CLSTN1: variants seen among roughly 807,000 people sequenced by gnomAD.
CLSTN1 encodes calsyntenin 1.
In CLSTN1, 28 loss-of-function variants were observed where a neutral mutation model predicts 108.3. The ratio of observed to expected loss-of-function variants is 0.26; its 90% CI spans 0.19 to 0.35. CLSTN1 has a LOEUF of 0.35. CLSTN1 is among the 10% of genes least tolerant of loss of function. The probability of loss-of-function intolerance (pLI) is 1.00; values close to 1 mark genes in which losing one functional copy is unlikely to be tolerated. For missense variants in CLSTN1, 1,157 were observed against 1,302.6 expected (o/e 0.89, Z 1.72); for synonymous variants, 524 against 534.9 (o/e 0.98, Z 0.28).
intron 2 of CLSTN1, among the ~76,000 whole-genome samples, chr1:9,768,385 G>C (rs1652463907): frequency 7.1e-6 from 1 of 141,782 alleles, no homozygotes; most frequent in Admixed American, 6.9e-5. Context: ...CGGCACCATG[G>C]GGGCGGGATT....
At chr1:9,747,080 C>T (rs1389568596) in intron 7 of CLSTN1, among the ~76,000 whole-genome samples, 1 of 148,072 alleles carries the variant, frequency 6.8e-6, no homozygotes, top group African/African-American at 2.5e-5. Flanking sequence ...CTTGGGAGGC[C>T]GAGGCAGGAG....
chr1:9,758,511 A>G (rs1384677377), intron 2 of CLSTN1, among the ~76,000 whole-genome samples: 2 of 140,910 alleles, frequency 1.4e-5, no homozygotes, highest in African/African-American at 5.3e-5. Flanking sequence ...ATGGGATTTC[A>G]CCATATTGGC....
At chr1:9,798,151 A>AGGGAGGGGGAGGGGAAGAGGGAGG in intron 1 of CLSTN1, among the ~76,000 whole-genome samples, 1 of 81,216 alleles carries the variant, frequency 1.2e-5, no homozygotes, top group East Asian at 4.3e-4. Flanking sequence ...AGAGGGGAAG[A>AGGGAGGGGGAGGGGAAGAGGGAGG]GGGAGGGGGA....
At chr1:9,789,721 G>A (rs1312161331) in intron 1 of CLSTN1, among the ~76,000 whole-genome samples, 1 of 151,658 alleles carries the variant, frequency 6.6e-6, no homozygotes, top group Non-Finnish European at 1.5e-5. Flanking sequence ...GCTTATGCCT[G>A]TAATCCCAGC....
chr1:9,735,216 G>A (rs369413478), intron 13 of CLSTN1, 42 bp from the exon 14 acceptor site: 6 of 1,596,806 alleles, frequency 3.8e-6, no homozygotes, highest in East Asian at 2.2e-5. Flanking sequence ...TTTGGGAGCC[G>A]ATCTTGGAGC....
chr1:9,743,219 G>A (rs185884144), intron 9 of CLSTN1, among the ~76,000 whole-genome samples: 202 of 152,298 alleles, frequency 1.3e-3, no homozygotes, highest in African/African-American at 4.5e-3. Context: ...CTCGTTTCCT[G>A]TAGCACGTGG....
chr1:9,731,698 TGGGGTGGGGGCAGGGC>T, intron 17 of CLSTN1, 47 bp downstream of exon 17: 1 of 1,518,270 alleles, frequency 6.6e-7, no homozygotes, highest in Non-Finnish European at 9.1e-7. Flanking sequence ...GTGCCCACGG[TGGGGTGGGGGCAGGGC>T]GGACGGCATG....
chr1:9,762,337 T>C (rs1652113504), intron 2 of CLSTN1, among the ~76,000 whole-genome samples: 1 of 152,020 alleles, frequency 6.6e-6, no homozygotes, highest in South Asian at 2.1e-4. Flanking sequence ...GGCAGGCACC[T>C]GTAATTCCAG....
At chr1:9,822,021 G>A (rs552543991) in intron 1 of CLSTN1, among the ~76,000 whole-genome samples, 18 of 152,292 alleles carry the variant, frequency 1.2e-4, no homozygotes, top group Admixed American at 1.1e-3. Context: ...ACAAATGTAG[G>A]TGCTATTTAA....
At chr1:9,815,288 G>GTA (rs1654926489) in intron 1 of CLSTN1, among the ~76,000 whole-genome samples, 1 of 152,192 alleles carries the variant, frequency 6.6e-6, no homozygotes, top group Non-Finnish European at 1.5e-5. Flanking sequence ...CCCCACAGCA[G>GTA]CAGAGTTCAA....
chr1:9,761,454 C>A (rs1421663243), intron 2 of CLSTN1, among the ~76,000 whole-genome samples: 1 of 152,156 alleles, frequency 6.6e-6, no homozygotes, highest in African/African-American at 2.4e-5. Context: ...TATCATGCCA[C>A]TGCACTCCAG....
chr1:9,803,020 C>T (rs1420543101), intron 1 of CLSTN1, among the ~76,000 whole-genome samples: 1 of 152,066 alleles, frequency 6.6e-6, no homozygotes, highest in South Asian at 2.1e-4. Context: ...GACAAGGTTT[C>T]GCTATGTTGT....
chr1:9,777,986 G>A (rs1163813223), intron 1 of CLSTN1, among the ~76,000 whole-genome samples: 1 of 152,034 alleles, frequency 6.6e-6, no homozygotes, highest in Non-Finnish European at 1.5e-5. Flanking sequence ...AAGACGGCAG[G>A]GGAGGGCACT....
intron 2 of CLSTN1, among the ~76,000 whole-genome samples, chr1:9,757,311 G>C (rs1286899731): frequency 1.3e-5 from 2 of 148,580 alleles, no homozygotes; most frequent in Non-Finnish European, 3.0e-5. Flanking sequence ...GCGTGATCTC[G>C]GCTCACTGCA....
chr1:9,803,879 G>A (rs996328521), intron 1 of CLSTN1, among the ~76,000 whole-genome samples: 1 of 152,044 alleles, frequency 6.6e-6, no homozygotes, highest in African/African-American at 2.4e-5. Flanking sequence ...TCTCAAAAAG[G>A]CCATCTTGTG....
At chr1:9,769,970 C>T (rs940860892) in intron 2 of CLSTN1, among the ~76,000 whole-genome samples, 2 of 148,902 alleles carry the variant, frequency 1.3e-5, no homozygotes, top group African/African-American at 5.0e-5. Context: ...GCAGAGCTTG[C>T]AGTGAGCCGA....
chr1:9,757,127 T>A (rs936294337), intron 2 of CLSTN1, among the ~76,000 whole-genome samples: 2 of 151,934 alleles, frequency 1.3e-5, no homozygotes, highest in Non-Finnish European at 2.9e-5. Flanking sequence ...AATAAGTACA[T>A]CTATTTGTTA....
At chr1:9,821,691 A>G (rs1655196667) in intron 1 of CLSTN1, among the ~76,000 whole-genome samples, 1 of 152,236 alleles carries the variant, frequency 6.6e-6, no homozygotes, top group South Asian at 2.1e-4. Context: ...TCCAAACTGT[A>G]AATTTACATA....
intron 9 of CLSTN1, among the ~76,000 whole-genome samples, chr1:9,741,895 G>C (rs1416363346): frequency 2.0e-5 from 3 of 152,188 alleles, no homozygotes; most frequent in Non-Finnish European, 4.4e-5. Context: ...CTGGGTGACA[G>C]AGCAAGACTC....
Sources: allele counts gnomAD v4.1 joint callset (sites outside exome capture counted in the v4.1 genomes callset), GRCh38; gene constraint gnomAD v4.1.1; transcripts MANE v1.5; gene names NCBI Gene and HGNC (gene_info 2026-07-23, HGNC 2026-07-21).